The following PHF2 variants were observed in gnomAD, a reference collection of about 807,000 sequenced individuals.
PHF2 encodes PHD finger protein 2, also known as lysine-specific demethylase PHF2.
Under a neutral mutation model 120.5 loss-of-function variants are expected in PHF2, and 27 were observed. That is an observed-to-expected ratio of 0.22 (90% CI 0.17 to 0.31). The LOEUF (loss-of-function observed/expected upper bound fraction) is 0.31. Ranked by LOEUF, PHF2 falls within the 10% of genes least tolerant of loss-of-function variation. The pLI is 1.00. For missense variants in PHF2, 1,024 were observed against 1,434.8 expected, an observed-to-expected ratio of 0.71 and a Z score of 4.63; for synonymous variants, 568 against 592.5, an observed-to-expected ratio of 0.96 and a Z score of 0.60.
chr9:93,633,431 A>C (rs1826037063), intron 2 of PHF2, among the ~76,000 whole-genome samples: 1 of 152,294 alleles, frequency 6.6e-6, no homozygotes, highest in South Asian at 2.1e-4. Flanking sequence ...ACTTATACAC[A>C]GTCAGTTTTC....
At chr9:93,654,637 G>T in intron 7 of PHF2, 62 bp downstream of exon 7, 1 of 1,512,946 alleles carries the variant, frequency 6.6e-7, no homozygotes, top group Non-Finnish European at 9.2e-7. Context: ...CAAGCTTACT[G>T]CCCTGTCCCT....
rs145211949 is a variant in PHF2 at position 93,666,054 on chromosome 9, G to T, written c.2181G>T (p.Ala727=). ...CGAAGCCAAAGCTGGACTCGGCAGCGTACAAGGTGAGCTGCCTTACAGGCC... is the reference window on the plus strand; with the variant it reads ...CGAAGCCAAAGCTGGACTCGGCAGCTTACAAGGTGAGCTGCCTTACAGGCC... ...PVTKPKLDSA[A]YKSDDSSDEG... The change falls in exon 16 of 22, where the codon GCG becomes GCT. Residue 727 remains alanine, a synonymous_variant. Transcript: ENST00000359246. 6 of 1,612,422 alleles carry T rather than the reference G, an allele frequency of 3.7e-6. No individual in the cohort carries two copies. Among genetic ancestry groups the T allele is most frequent in the Non-Finnish European group, 5.1e-6 (6 of 1,179,196 alleles).
intron 16 of PHF2, 30 bp from the exon 17 acceptor site, chr9:93,667,050 C>T (rs1470056885): frequency 3.1e-6 from 5 of 1,589,808 alleles, no homozygotes; most frequent in Non-Finnish European, 4.3e-6. Context: ...AGACCCTCCC[C>T]TGACCGAAGC....
intron 4 of PHF2, among the ~76,000 whole-genome samples, chr9:93,646,602 C>T (rs1343940474): frequency 2.0e-5 from 3 of 152,206 alleles, no homozygotes; most frequent in African/African-American, 7.2e-5. Flanking sequence ...GGCTCACTCT[C>T]TTCCTCTGTG....
chr9:93,597,225 G>A (rs1825352484), intron 1 of PHF2, among the ~76,000 whole-genome samples: 1 of 152,144 alleles, frequency 6.6e-6, no homozygotes, highest in Admixed American at 6.5e-5. Flanking sequence ...CATCGCGCCT[G>A]GCCTCTGCCA....
chr9:93,640,791 A>T (rs182768998), intron 3 of PHF2, among the ~76,000 whole-genome samples: 1 of 152,294 alleles, frequency 6.6e-6, no homozygotes, highest in East Asian at 1.9e-4. Context: ...GCTGGACACG[A>T]TGTATTGTGT....
intron 17 of PHF2, among the ~76,000 whole-genome samples, chr9:93,672,240 A>G (rs55880829): frequency 0.012 from 573 of 45,938 alleles, no homozygotes; most frequent in Middle Eastern, 0.043. Flanking sequence ...GTGGGTGTGG[A>G]TGTAGGTACA....
intron 5 of PHF2, 85 bp downstream of exon 5, chr9:93,649,297 G>A: frequency 1.8e-6 from 2 of 1,133,316 alleles, no homozygotes; most frequent in Non-Finnish European, 2.6e-6. Context: ...GAGAAGCACA[G>A]GTCGAAGGTA....
chr9:93,607,428 A>G (rs956066134), intron 1 of PHF2, among the ~76,000 whole-genome samples: 1 of 143,676 alleles, frequency 7.0e-6, no homozygotes, highest in African/African-American at 2.6e-5. Flanking sequence ...ATGCACCAAC[A>G]TGCCTGGCTA....
chr9:93,656,502 G>C lies in PHF2; in HGVS notation c.1054G>C (p.Glu352Gln). The change falls in exon 9 of 22, where the codon GAA becomes CAA. Residue 352 changes from glutamate (E) to glutamine (Q), a missense_variant. Glu to Gln is a conservative substitution (Grantham distance 29). Coordinates refer to ENST00000359246, the MANE Select transcript of PHF2 (RefSeq NM_005392.4). The surrounding 1 kb of genome is among the most constrained non-coding windows in gnomAD (Gnocchi z 4.1). ...GGTGGCTTCTAGAGCATATGAAGTG[G>C]AAAGGAGGTTGAAACTGGGCAGCCT... ...VEMQMRAYEVERRLKLGSLTQ... is the reference protein window; with the variant it reads ...VEMQMRAYEVQRRLKLGSLTQ... 6.2e-7 allele frequency: 1 copy of C among 1,613,300 alleles called. No individual in the cohort carries two copies. Among genetic ancestry groups the C allele is most frequent in the Non-Finnish European group, 8.5e-7 (1 of 1,179,406 alleles).
intron 6 of PHF2, among the ~76,000 whole-genome samples, chr9:93,653,780 G>C (rs1226128798): frequency 6.6e-6 from 1 of 152,208 alleles, no homozygotes; most frequent in Non-Finnish European, 1.5e-5. Flanking sequence ...GGCTGAGAGA[G>C]GGAAGCCAGA....
chr9:93,590,428 C>G (rs1414578747), intron 1 of PHF2, among the ~76,000 whole-genome samples: 1 of 152,200 alleles, frequency 6.6e-6, no homozygotes, highest in East Asian at 1.9e-4. Context: ...CACTCCTGCC[C>G]CAGAGCTGGT....
intron 1 of PHF2, among the ~76,000 whole-genome samples, chr9:93,609,667 G>T (rs1272901367): frequency 2.0e-5 from 3 of 151,866 alleles, no homozygotes; most frequent in Admixed American, 2.0e-4. Flanking sequence ...TGTAGGTAAG[G>T]TGTTTTTAGC....
At chr9:93,638,739 G>A (rs535121039) in intron 3 of PHF2, among the ~76,000 whole-genome samples, 1 of 152,114 alleles carries the variant, frequency 6.6e-6, no homozygotes, top group East Asian at 1.9e-4. Context: ...TTTTTTTTGA[G>A]ACGGAGTCTC....
chr9:93,669,794 C>T (rs1165657873), intron 17 of PHF2, among the ~76,000 whole-genome samples: 1 of 152,198 alleles, frequency 6.6e-6, no homozygotes, highest in African/African-American at 2.4e-5. Flanking sequence ...TCTCCCTGTC[C>T]TGCTGTAGCA....
At chr9:93,666,563 A>C (rs1338660143) in intron 16 of PHF2, among the ~76,000 whole-genome samples, 1 of 152,242 alleles carries the variant, frequency 6.6e-6, no homozygotes, top group African/African-American at 2.4e-5. Flanking sequence ...TGTGTTGGCC[A>C]TCCAGCCCGT....
At chr9:93,663,696 A>G in intron 14 of PHF2, 61 bp downstream of exon 14, 1 of 907,558 alleles carries the variant, frequency 1.1e-6, no homozygotes. Context: ...CACACACCAT[A>G]CATACTGCAT....
At chr9:93,643,133 T>C (rs1826196283) in intron 3 of PHF2, among the ~76,000 whole-genome samples, 1 of 152,200 alleles carries the variant, frequency 6.6e-6, no homozygotes, top group South Asian at 2.1e-4. Context: ...TGGGGCATGG[T>C]GCTTCAGAGG....
chr9:93,666,091 C>T (rs369429462), intron 16 of PHF2, 31 bp downstream of exon 16: 121 of 1,600,520 alleles, frequency 7.6e-5, no homozygotes, highest in Non-Finnish European at 9.6e-5. Flanking sequence ...CCCTCAGTCT[C>T]GGGGGGCATC....
Sources: gnomAD v4.1 joint callset for allele counts (sites outside exome capture counted in the v4.1 genomes callset) on GRCh38, gnomAD v4.1.1 for gene constraint, Gnocchi (gnomAD v3.1) non-coding constraint, MANE v1.5 for transcripts, NCBI Gene and HGNC (gene_info 2026-07-23, HGNC 2026-07-21) for gene names.